Variants in RAB20 observed in about 807,000 individuals in gnomAD.
The protein encoded by RAB20 is RAB20, member RAS oncogene family.
Under a neutral mutation model 3.7 loss-of-function variants are expected in RAB20, and 2 were observed. That is an observed-to-expected ratio of 0.54 (90% CI 0.22 to 1.69). The LOEUF (loss-of-function observed/expected upper bound fraction) is 1.69, where lower values mean the gene tolerates loss of function less well. Ranked by LOEUF, RAB20 falls within the 40% of genes most tolerant of loss-of-function variation. The pLI is 0.19. For synonymous variants in RAB20, 126 were observed against 130.8 expected (o/e 0.96, Z 0.25); for missense variants, 276 against 311.9 (o/e 0.88, Z 0.87).
At chr13:110,542,229 T>G (rs1340544463) in intron 1 of RAB20, among the ~76,000 whole-genome samples, 1 of 151,692 alleles carries the variant, frequency 6.6e-6, no homozygotes, top group Non-Finnish European at 1.5e-5. Context: ...ATATTTCAGA[T>G]GTACAACATG....
intron 1 of RAB20, among the ~76,000 whole-genome samples, chr13:110,544,684 A>G (rs987974112): frequency 1.3e-5 from 2 of 152,346 alleles, no homozygotes; most frequent in East Asian, 3.9e-4. Flanking sequence ...GAGCCTGTGG[A>G]GGGTGACATC....
intron 1 of RAB20, 145 bp from the exon 2 acceptor site, chr13:110,524,342 G>A: frequency 3.1e-6 from 4 of 1,298,262 alleles, no homozygotes; most frequent in South Asian, 1.7e-5. Context: ...AGTTGATGGA[G>A]AATGTGCCAC....
intron 1 of RAB20, among the ~76,000 whole-genome samples, chr13:110,538,608 A>G (rs1566586822): frequency 2.2e-5 from 3 of 137,982 alleles, no homozygotes; most frequent in Admixed American, 7.2e-5. Flanking sequence ...AAAAAAAAAA[A>G]AAAAAAAAAA....
rs148188599 is a variant in RAB20 at position 110,538,619 on chromosome 13, G to GAAAGA, written c.173-14427_173-14423dup. Among the ~76,000 whole-genome samples the GAAAGA allele has an allele frequency of 8.5e-5, 10 of 117,918 alleles. No individual in the cohort carries two copies. In the East Asian group the frequency reaches 2.1e-3, roughly 25 times the overall value. The allele number at this position is 117,918 out of a possible 152,430, so 77.4% of individuals were successfully genotyped here. The stretch of plus-strand genomic sequence containing the variant: ...TCTCAAAAAAAAAAAAAAAAAAAAA[G>GAAAGA]AAAGAAAAGAAAAGAAAAGAAAAAG... On this transcript the variant is annotated intron_variant, in intron 1 of 1. Transcript: ENST00000267328.
At chr13:110,524,336 G>T (rs1257890522) in intron 1 of RAB20, 139 bp from the exon 2 acceptor site, 2 of 1,317,684 alleles carry the variant, frequency 1.5e-6, no homozygotes, top group Non-Finnish European at 2.0e-6. Flanking sequence ...AAACATAGTT[G>T]ATGGAGAATG....
chr13:110,527,062 T>C (rs1017934684), intron 1 of RAB20, among the ~76,000 whole-genome samples: 1 of 150,910 alleles, frequency 6.6e-6, no homozygotes, highest in South Asian at 2.1e-4. Flanking sequence ...TGCACACATG[T>C]GGCTCTCTAA....
At chr13:110,554,018 G>C (rs142162118) in intron 1 of RAB20, among the ~76,000 whole-genome samples, 1 of 152,268 alleles carries the variant, frequency 6.6e-6, no homozygotes, top group East Asian at 1.9e-4. Context: ...AGGAGGCTGA[G>C]GTGGGAGGAT....
intron 1 of RAB20, among the ~76,000 whole-genome samples, chr13:110,541,557 T>C (rs1884764026): frequency 1.3e-5 from 2 of 152,174 alleles, no homozygotes; most frequent in African/African-American, 4.8e-5. Context: ...ATTTGGAAAG[T>C]ATTTAAAACT....
chr13:110,542,826 G>T (rs1157294409), intron 1 of RAB20, among the ~76,000 whole-genome samples: 1 of 152,130 alleles, frequency 6.6e-6, no homozygotes, highest in African/African-American at 2.4e-5. Flanking sequence ...CCCAGCAGTG[G>T]GACTGCTGGA....
chr13:110,532,669 G>A (rs6492282), intron 1 of RAB20, among the ~76,000 whole-genome samples: 32,311 of 131,910 alleles, frequency 0.24, 4,018 homozygotes, highest in East Asian at 0.41. Context: ...GAGGCACCAC[G>A]CCCAGCCTAT....
In RAB20 at chr13:110,555,497, T is replaced by A. The variant is rs116712507; in HGVS notation, c.172+5851A>T. Among the ~76,000 whole-genome samples the A allele has an allele frequency of 2.9e-3, 438 of 152,266 alleles. 2 individuals are homozygous for A. The highest frequency in any genetic ancestry group is 9.9e-3 in the African/African-American group (413 of 41,558). On this transcript the variant is annotated intron_variant, in intron 1 of 1. Transcript: ENST00000267328. This position sits in a 1 kb window ranked among gnomAD's most constrained non-coding sequence, Gnocchi z 4.0. Reference sequence around the variant, plus strand: ...CTAAAGAGGCCAGAGGCTGGGCCCATCTCTCTTCCACATCTTTGCCGTCCA... The same window carrying A: ...CTAAAGAGGCCAGAGGCTGGGCCCAACTCTCTTCCACATCTTTGCCGTCCA...
At chr13:110,528,392 G>A (rs1166998972) in intron 1 of RAB20, among the ~76,000 whole-genome samples, 1 of 141,638 alleles carries the variant, frequency 7.1e-6, no homozygotes, top group South Asian at 2.2e-4. Context: ...CTCCAGCCTG[G>A]GCAAGAGTGA....
At chr13:110,548,083 C>T (rs1051178138) in intron 1 of RAB20, among the ~76,000 whole-genome samples, 3 of 152,170 alleles carry the variant, frequency 2.0e-5, no homozygotes, top group Admixed American at 6.5e-5. Context: ...AAATAGGAAA[C>T]CTGGTCAACA....
chr13:110,544,468 T>C (rs1884818265), intron 1 of RAB20, among the ~76,000 whole-genome samples: 2 of 152,242 alleles, frequency 1.3e-5, no homozygotes, highest in African/African-American at 4.8e-5. Context: ...GTGATTGCAT[T>C]GAATCTATGA....
At chr13:110,549,525 G>T (rs73621291) in intron 1 of RAB20, among the ~76,000 whole-genome samples, 2,154 of 152,236 alleles carry the variant, frequency 0.014, 50 homozygotes, top group African/African-American at 0.047. Flanking sequence ...CTTTCTCTCT[G>T]ACCTTCTCCT....
intron 1 of RAB20, among the ~76,000 whole-genome samples, chr13:110,560,790 G>C (rs1264239329): frequency 6.6e-6 from 1 of 151,680 alleles, no homozygotes; most frequent in Non-Finnish European, 1.5e-5. Context: ...CCCATATGAC[G>C]TATCTGAGCC....
intron 1 of RAB20, among the ~76,000 whole-genome samples, chr13:110,535,799 C>T (rs923537260): frequency 2.6e-5 from 4 of 152,258 alleles, no homozygotes; most frequent in Admixed American, 6.5e-5. Flanking sequence ...AAGCTCCGGC[C>T]GCGCAAGGCC....
At chr13:110,557,968 C>G (rs967978659) in intron 1 of RAB20, among the ~76,000 whole-genome samples, 4 of 152,250 alleles carry the variant, frequency 2.6e-5, no homozygotes, top group Admixed American at 1.3e-4. Context: ...TGAAGCTGTA[C>G]CATTCACTTC....
In RAB20 at chr13:110,543,774, A is replaced by ATTT. The variant is rs60203869; in HGVS notation, c.172+17571_172+17573dup. 9.0e-3 allele frequency among the ~76,000 whole-genome samples: 671 copies of ATTT among 74,338 alleles called. 16 individuals are homozygous for ATTT. Among genetic ancestry groups the ATTT allele is most frequent in the African/African-American group, 0.028 (629 of 22,084 alleles). The allele number at this position is 74,338 out of a possible 152,430, so 48.8% of individuals were successfully genotyped here. A position where few individuals can be genotyped will look rare whatever the true frequency, so the allele number is the denominator to read the frequency against. On this transcript the variant is annotated intron_variant, in intron 1 of 1. Coordinates refer to ENST00000267328, the MANE Select transcript of RAB20 (RefSeq NM_017817.3). ...TTGACTCTTTAATCAAATGTGGGTT[A>ATTT]TTTTTTTTTTTTTTTTTTTGAGACG...
Sources: gnomAD v4.1 joint callset for allele counts (sites outside exome capture counted in the v4.1 genomes callset) on GRCh38, gnomAD v4.1.1 for gene constraint, Gnocchi (gnomAD v3.1) non-coding constraint, MANE v1.5 for transcripts, NCBI Gene and HGNC (gene_info 2026-07-23, HGNC 2026-07-21) for gene names.